Variants in MED12L observed in about 807,000 individuals in gnomAD.
The protein encoded by MED12L is mediator complex subunit 12L, also known as mediator of RNA polymerase II transcription subunit 12-like protein.
In MED12L, 60 loss-of-function variants were observed where a neutral mutation model predicts 281.3. The observed-to-expected ratio is 0.21, with a 90% CI of 0.17 to 0.26. The LOEUF is 0.26. Ranked by LOEUF, MED12L falls within the 10% of genes least tolerant of loss-of-function variation. MED12L has a pLI of 1.00. For synonymous variants in MED12L, 974 were observed against 987.2 expected (o/e 0.99, Z 0.25); for missense variants, 2,146 against 2,680.9 (o/e 0.80, Z 4.41).
In MED12L at chr3:151,285,685, TA is replaced by T. The variant is rs569188993; in HGVS notation, c.2251-64364del. Among the ~76,000 whole-genome samples the T allele has an allele frequency of 7.6e-3, 1,113 of 146,666 alleles. 6 individuals carry two copies. The highest frequency in any genetic ancestry group is 0.012 in the Non-Finnish European group (825 of 66,286). On this transcript the variant is annotated intron_variant, in intron 16 of 44. Transcript: ENST00000687756. ...CTGTTCCCCCAAAAACCTATTGAAA[TA>T]AAAAAAAAATAAAAGAAAAAAACAT... is the stretch of plus-strand genomic sequence containing the variant.
At chr3:151,196,662 A>G (rs1724698690) in intron 16 of MED12L, among the ~76,000 whole-genome samples, 1 of 152,228 alleles carries the variant, frequency 6.6e-6, no homozygotes, top group Non-Finnish European at 1.5e-5. Flanking sequence ...AACTGAGGTA[A>G]GTCATTTACA....
chr3:151,350,365 C>G (rs1201767726), intron 17 of MED12L, among the ~76,000 whole-genome samples, 159 bp downstream of exon 17: 3 of 151,768 alleles, frequency 2.0e-5, no homozygotes, highest in African/African-American at 4.8e-5. Context: ...AATTTTAAAG[C>G]CTTGTTTCCA....
In MED12L at chr3:151,296,829, A is replaced by G. The variant is rs529176499; in HGVS notation, c.2251-53230A>G. On this transcript the variant is annotated intron_variant, in intron 16 of 44. Coordinates refer to ENST00000687756, the MANE Select transcript of MED12L (RefSeq NM_001393769.1). ...GTAATTAATAATATTTACTATAGTT[A>G]TAATTATGTTTTGGAATGGTTTTGT... Among the ~76,000 whole-genome samples, 8 of 152,246 alleles carry G rather than the reference A, an allele frequency of 5.3e-5. No individual in the cohort carries two copies. The South Asian group carries it at 1.7e-3, about 32-fold the overall frequency.
intron 16 of MED12L, among the ~76,000 whole-genome samples, chr3:151,280,366 C>T (rs180754392): frequency 1.2e-3 from 188 of 152,314 alleles, no homozygotes; most frequent in Non-Finnish European, 1.6e-3. Flanking sequence ...CTTGATTACT[C>T]ACAATGGCTC....
chr3:151,106,151 C>T (rs1721985453), intron 2 of MED12L, among the ~76,000 whole-genome samples: 1 of 152,084 alleles, frequency 6.6e-6, no homozygotes, highest in East Asian at 1.9e-4. Flanking sequence ...TCTGACCCTA[C>T]TCCAGTCAGT....
At chr3:151,135,267 T>C (rs941345318) in intron 5 of MED12L, among the ~76,000 whole-genome samples, 8 of 152,234 alleles carry the variant, frequency 5.3e-5, no homozygotes, top group Non-Finnish European at 1.2e-4. Flanking sequence ...TCTGCCCACC[T>C]TGGCCTCCCA....
chr3:151,350,525 G>C (rs1304772657), intron 17 of MED12L, among the ~76,000 whole-genome samples: 1 of 152,074 alleles, frequency 6.6e-6, no homozygotes, highest in Non-Finnish European at 1.5e-5. Flanking sequence ...AATAAATGAA[G>C]TACTGAAGAA....
intron 16 of MED12L, among the ~76,000 whole-genome samples, chr3:151,288,887 G>T (rs1444147086): frequency 6.6e-6 from 1 of 152,140 alleles, no homozygotes; most frequent in Non-Finnish European, 1.5e-5. Context: ...TACAGGAGTG[G>T]CCAGTCATCT....
intron 16 of MED12L, chr3:151,270,114 G>A: frequency 4.2e-6 from 1 of 235,836 alleles, no homozygotes; most frequent in African/African-American, 2.4e-5. Context: ...AAAGAAAGGG[G>A]GTGAAGGAGA....
chr3:151,170,277 C>CTTTTTTTTTTTTTT (rs113849929), intron 11 of MED12L, among the ~76,000 whole-genome samples: 1 of 137,766 alleles, frequency 7.3e-6, no homozygotes, highest in Admixed American at 7.3e-5. Flanking sequence ...TTTTCTTTTT[C>CTTTTTTTTTTTTTT]TTTTTTTTTT....
intron 16 of MED12L, chr3:151,337,852 C>T (rs1401985961): frequency 6.2e-7 from 1 of 1,614,076 alleles, no homozygotes; most frequent in East Asian, 2.2e-5. Flanking sequence ...TCACCACCAT[C>T]CTGTTCTTTT....
intron 16 of MED12L, among the ~76,000 whole-genome samples, chr3:151,240,210 A>G (rs1274499674): frequency 2.0e-5 from 3 of 151,936 alleles, no homozygotes; most frequent in Non-Finnish European, 4.4e-5. Context: ...GGCCTGTGTC[A>G]ATAGATGTTC....
intron 18 of MED12L, 115 bp from the exon 19 acceptor site, chr3:151,355,781 C>A (rs962121207): frequency 1.2e-6 from 1 of 827,680 alleles, no homozygotes; most frequent in Non-Finnish European, 1.8e-6. Context: ...TTTTGACTTT[C>A]GTCAAAGTAG....
intron 16 of MED12L, among the ~76,000 whole-genome samples, chr3:151,281,750 C>G (rs1037364619): frequency 6.6e-6 from 1 of 152,186 alleles, no homozygotes; most frequent in Non-Finnish European, 1.5e-5. Flanking sequence ...ACAACCACCC[C>G]TAGCCCACCC....
Position 151,122,922 on chromosome 3 carries a change from G to C in MED12L, c.344G>C (p.Ser115Thr), listed in dbSNP as rs752428050. ...VTARSQSAIH[S>T]WFSDLAGNKP... Reference sequence around the variant, plus strand: ...GCTCGATCCCAGAGTGCAATTCATAGTTGGTTTTCTGACTTAGCAGGAAAT... The same window carrying C: ...GCTCGATCCCAGAGTGCAATTCATACTTGGTTTTCTGACTTAGCAGGAAAT... The change falls in exon 4 of 45, where the codon AGT (serine) becomes ACT (threonine). Residue 115 changes from serine (S) to threonine (T), a missense_variant. Physicochemically the swap from Ser to Thr is moderately conservative, Grantham distance 58. Coordinates refer to ENST00000687756, the MANE Select transcript of MED12L (RefSeq NM_001393769.1). The C allele has an allele frequency of 6.2e-7, 1 of 1,611,206 alleles. No individual in the cohort carries two copies. The highest frequency in any genetic ancestry group is 2.2e-5 in the East Asian group (1 of 44,812).
intron 16 of MED12L, among the ~76,000 whole-genome samples, chr3:151,279,968 G>A (rs185396769): frequency 3.0e-4 from 46 of 151,806 alleles, no homozygotes; most frequent in African/African-American, 1.1e-3. Context: ...GTATGACTGG[G>A]GAGAACATGA....
At chr3:151,117,749 A>G (rs11707833) in intron 3 of MED12L, among the ~76,000 whole-genome samples, 3,148 of 151,912 alleles carry the variant, frequency 0.021, 110 homozygotes, top group East Asian at 0.17. Flanking sequence ...GTTGTGCTCA[A>G]AAAATTTTTT....
chr3:151,409,371 A>C, intron 40 of MED12L, 39 bp downstream of exon 40: 1 of 1,587,888 alleles, frequency 6.3e-7, no homozygotes, highest in Non-Finnish European at 8.6e-7. Flanking sequence ...CAGGATTTTC[A>C]AAGCTCTTTA....
intron 5 of MED12L, among the ~76,000 whole-genome samples, chr3:151,130,590 C>T (rs1321105777): frequency 2.0e-5 from 3 of 152,210 alleles, no homozygotes; most frequent in Non-Finnish European, 2.9e-5. Context: ...CCTTGTCCCA[C>T]TCAGATTGTG....
Sources: allele counts gnomAD v4.1 joint callset (sites outside exome capture counted in the v4.1 genomes callset), GRCh38; gene constraint gnomAD v4.1.1; transcripts MANE v1.5; gene names NCBI Gene and HGNC (gene_info 2026-07-23, HGNC 2026-07-21).